Variants in WDR7 observed in about 807,000 individuals in gnomAD.
WDR7 encodes the protein WD repeat-containing protein 7.
In WDR7, 46 loss-of-function variants were observed where a neutral mutation model predicts 169.4. The observed-to-expected ratio is 0.27, with a 90% CI of 0.21 to 0.35. WDR7 has a LOEUF of 0.35. Ranked by LOEUF, WDR7 falls within the 10% of genes least tolerant of loss-of-function variation. The pLI, the probability that WDR7 is intolerant of heterozygous loss-of-function variation, is 1.00. For missense variants in WDR7, 1,534 were observed against 1,859.3 expected (o/e 0.83, Z 3.22); for synonymous variants, 612 against 666.8 (o/e 0.92, Z 1.27).
chr18:56,860,082 C>T (rs759144181), intron 20 of WDR7, among the ~76,000 whole-genome samples: 1 of 152,092 alleles, frequency 6.6e-6, no homozygotes, highest in Non-Finnish European at 1.5e-5. Context: ...TTTCAGCCCC[C>T]GAATGTGTGG....
At chr18:56,882,443 G>T (rs992939374) in intron 21 of WDR7, among the ~76,000 whole-genome samples, 3 of 152,140 alleles carry the variant, frequency 2.0e-5, no homozygotes, top group Non-Finnish European at 2.9e-5. Context: ...TATTTTCACA[G>T]TATCTTGAGG....
At chr18:56,765,790 G>A (rs910797304) in intron 16 of WDR7, among the ~76,000 whole-genome samples, 4 of 151,702 alleles carry the variant, frequency 2.6e-5, no homozygotes, top group Non-Finnish European at 5.9e-5. Flanking sequence ...ATGTATATAT[G>A]TATGTATGTA....
Position 56,978,242 on chromosome 18 carries a change from C to G in WDR7, c.4164+15713C>G, listed in dbSNP as rs567445790. ...AGGAGTCAGAAAATTTGCTTGTATA[C>G]CCATTTACTAAGTTTGTTGTTTAAC... On this transcript the variant is annotated intron_variant, in intron 26 of 27. Transcript: ENST00000254442. 2.6e-5 allele frequency among the ~76,000 whole-genome samples: 4 copies of G among 152,232 alleles called. No individual in the cohort carries two copies. In the East Asian group the frequency reaches 7.7e-4, roughly 29 times the overall value.
intron 2 of WDR7, among the ~76,000 whole-genome samples, chr18:56,673,415 A>G (rs866798431): frequency 6.6e-6 from 1 of 152,180 alleles, no homozygotes; most frequent in South Asian, 2.1e-4. Flanking sequence ...CACATACTAC[A>G]TAATTAATCT....
At chr18:56,694,807 T>G (rs371300101) in intron 10 of WDR7, 47 bp downstream of exon 10, 6 of 1,562,882 alleles carry the variant, frequency 3.8e-6, no homozygotes, top group Non-Finnish European at 4.3e-6. Flanking sequence ...TTTAATATCT[T>G]AAATACCAAC....
At chr18:56,981,555 G>A (rs1189488908) in intron 26 of WDR7, among the ~76,000 whole-genome samples, 7 of 152,222 alleles carry the variant, frequency 4.6e-5, no homozygotes, top group Non-Finnish European at 8.8e-5. Context: ...AAGATGGAGA[G>A]ATGCATCTGG....
intron 23 of WDR7, 90 bp downstream of exon 23, chr18:56,935,995 T>G: frequency 8.4e-7 from 1 of 1,188,626 alleles, no homozygotes; most frequent in Non-Finnish European, 1.2e-6. Flanking sequence ...CAAATCCCCT[T>G]TACAGTTTAT....
At chr18:56,653,089 A>G (rs1238126521) in intron 1 of WDR7, among the ~76,000 whole-genome samples, 2 of 152,054 alleles carry the variant, frequency 1.3e-5, no homozygotes, top group Non-Finnish European at 2.9e-5. Flanking sequence ...TAGTGGTGTG[A>G]TGTTTATTAG....
intron 20 of WDR7, among the ~76,000 whole-genome samples, chr18:56,822,927 A>G (rs1467658460): frequency 6.6e-6 from 1 of 152,186 alleles, no homozygotes; most frequent in Non-Finnish European, 1.5e-5. Flanking sequence ...CCTTTTTTAA[A>G]AAAAATCTGG....
chr18:56,722,249 C>T (rs944180907), intron 13 of WDR7, among the ~76,000 whole-genome samples: 3 of 152,036 alleles, frequency 2.0e-5, no homozygotes, highest in African/African-American at 7.2e-5. Context: ...TTTTTGAAAA[C>T]GTTTTTCATG....
At chr18:56,987,944 A>G (rs2047748623) in intron 26 of WDR7, among the ~76,000 whole-genome samples, 1 of 152,248 alleles carries the variant, frequency 6.6e-6, no homozygotes, top group Admixed American at 6.5e-5. Context: ...TGAAAACACA[A>G]TTTAAATTAT....
rs376320608 is a variant in WDR7 at position 56,779,563 on chromosome 18, G to T, written c.3066+14G>T. On this transcript the variant is annotated intron_variant, in intron 18 of 27. Transcript: ENST00000254442. The stretch of plus-strand genomic sequence containing the variant: ...CGATGCTTGGAGGTAATGCTAAAGT[G>T]ATAAGGATAGAAAACAAAAATATTA... 1.1e-4 allele frequency: 175 copies of T among 1,598,730 alleles called. No individual in the cohort carries two copies. The highest frequency in any genetic ancestry group is 1.3e-4 in the Non-Finnish European group (151 of 1,171,912).
intron 1 of WDR7, among the ~76,000 whole-genome samples, chr18:56,652,038 T>TC (rs2024666967): frequency 6.6e-6 from 1 of 152,184 alleles, no homozygotes; most frequent in South Asian, 2.1e-4. Flanking sequence ...TGAGATGCCA[T>TC]CTGCCAGTTC....
chr18:56,691,084 T>C, intron 7 of WDR7, 132 bp from the exon 8 acceptor site: 1 of 1,306,740 alleles, frequency 7.7e-7, no homozygotes, highest in South Asian at 1.4e-5. Flanking sequence ...ATTGACAAAC[T>C]TTCTTTATCT....
chr18:56,663,898 G>C (rs2024964502), intron 1 of WDR7, among the ~76,000 whole-genome samples: 1 of 152,006 alleles, frequency 6.6e-6, no homozygotes, highest in Admixed American at 6.6e-5. Context: ...AGGTAACAGG[G>C]TTAAGTCTTT....
intron 14 of WDR7, among the ~76,000 whole-genome samples, chr18:56,747,822 C>T (rs2043729123): frequency 6.6e-6 from 1 of 151,230 alleles, no homozygotes; most frequent in Non-Finnish European, 1.5e-5. Context: ...TTCAAAATAG[C>T]TTAGAATCTA....
intron 25 of WDR7, among the ~76,000 whole-genome samples, chr18:56,961,312 A>G (rs2047336314): frequency 6.6e-6 from 1 of 151,874 alleles, no homozygotes; most frequent in Non-Finnish European, 1.5e-5. Flanking sequence ...TAGAGAAATG[A>G]GATTTTTTTT....
At chr18:56,677,851 C>T (rs776217206) in intron 2 of WDR7, among the ~76,000 whole-genome samples, 82 of 152,060 alleles carry the variant, frequency 5.4e-4, no homozygotes, top group Non-Finnish European at 1.1e-3. Context: ...ACTTTCTACC[C>T]CTATCTCCTT....
intron 21 of WDR7, among the ~76,000 whole-genome samples, chr18:56,904,235 A>T (rs1292387874): frequency 6.6e-6 from 1 of 151,708 alleles, no homozygotes; most frequent in East Asian, 1.9e-4. Context: ...ATGCCCAGCT[A>T]ATTTTTGTAT....
Sources: allele counts gnomAD v4.1 joint callset (sites outside exome capture counted in the v4.1 genomes callset), GRCh38; gene constraint gnomAD v4.1.1; transcripts MANE v1.5; gene names NCBI Gene and HGNC (gene_info 2026-07-23, HGNC 2026-07-21).